DRC11: variants seen among roughly 807,000 people sequenced by gnomAD.
DRC11 encodes the protein IQ and AAA domain-containing protein 1.
the DRC11 span, among the ~76,000 whole-genome samples, chr2:236,404,444 C>T: frequency 0.019 from 2,880 of 152,262 alleles, 88 homozygotes; most frequent in African/African-American, 0.065. Flanking sequence ...CCAGATGAAG[C>T]CTTCCTGACT....
the DRC11 span, among the ~76,000 whole-genome samples, chr2:236,446,581 C>T: frequency 2.6e-5 from 4 of 152,218 alleles, no homozygotes; most frequent in African/African-American, 9.6e-5. The surrounding 1 kb of genome is among the most constrained non-coding windows in gnomAD (Gnocchi z 6.2). Context: ...GGGTCTCAGG[C>T]CCCTGGAGAG....
chr2:236,328,756 A>G, the DRC11 span, among the ~76,000 whole-genome samples: 2 of 152,220 alleles, frequency 1.3e-5, no homozygotes, highest in African/African-American at 4.8e-5. This position sits in a 1 kb window ranked among gnomAD's most constrained non-coding sequence, Gnocchi z 6.7. Context: ...CGTACAGAAT[A>G]TAGTTAATGA....
At chr2:236,496,249 T>C in the DRC11 span, among the ~76,000 whole-genome samples, 1 of 152,214 alleles carries the variant, frequency 6.6e-6, no homozygotes, top group Admixed American at 6.5e-5. The surrounding 1 kb of genome is among the most constrained non-coding windows in gnomAD (Gnocchi z 6.3). Context: ...TCATTTCAGT[T>C]ATTCTCATTA....
the DRC11 span, chr2:236,344,779 A>C: frequency 1.6e-6 from 1 of 629,648 alleles, no homozygotes; most frequent in Non-Finnish European, 2.7e-6. Context: ...GGGTGTGCAG[A>C]GCCCTGGCTG....
At chr2:236,446,558 C>A in the DRC11 span, among the ~76,000 whole-genome samples, 1 of 152,240 alleles carries the variant, frequency 6.6e-6, no homozygotes, top group Non-Finnish European at 1.5e-5. This position sits in a 1 kb window ranked among gnomAD's most constrained non-coding sequence, Gnocchi z 6.2. Context: ...CTTACCCTGT[C>A]TTTGTTTTCT....
chr2:236,484,000 C>T, the DRC11 span, among the ~76,000 whole-genome samples: 1 of 152,154 alleles, frequency 6.6e-6, no homozygotes, highest in Non-Finnish European at 1.5e-5. This position sits in a 1 kb window ranked among gnomAD's most constrained non-coding sequence, Gnocchi z 4.8. Context: ...GTGGTGACCA[C>T]TTTATTTATT....
chr2:236,340,220 T>C, the DRC11 span, among the ~76,000 whole-genome samples: 1 of 152,216 alleles, frequency 6.6e-6, no homozygotes, highest in Admixed American at 6.5e-5. Context: ...AATCACCACC[T>C]CCTGGGTTCA....
the DRC11 span, among the ~76,000 whole-genome samples, chr2:236,326,841 T>TGTGTGTGTG: frequency 7.5e-6 from 1 of 133,888 alleles, no homozygotes; most frequent in Non-Finnish European, 1.6e-5. Flanking sequence ...TGTGTGTGTG[T>TGTGTGTGTG]TTGAGATGGA....
the DRC11 span, among the ~76,000 whole-genome samples, chr2:236,384,066 G>C: frequency 2.0e-4 from 31 of 152,088 alleles, no homozygotes; most frequent in African/African-American, 7.2e-4. Flanking sequence ...ATCTATCATT[G>C]TTGGACATTT....
chr2:236,372,535 G>A, the DRC11 span, among the ~76,000 whole-genome samples: 568 of 152,224 alleles, frequency 3.7e-3, 3 homozygotes, highest in African/African-American at 0.013. The surrounding 1 kb of genome is among the most constrained non-coding windows in gnomAD (Gnocchi z 4.5). Context: ...ATGATCATTA[G>A]CAGCGAGCTG....
chr2:236,408,151 T>C, the DRC11 span: 13 of 693,668 alleles, frequency 1.9e-5, no homozygotes, highest in East Asian at 2.9e-4. The surrounding 1 kb of genome is among the most constrained non-coding windows in gnomAD (Gnocchi z 5.5). Context: ...AGGAAGGTCA[T>C]GGTCAGTGGA....
the DRC11 span, among the ~76,000 whole-genome samples, chr2:236,383,121 C>T: frequency 1.3e-5 from 2 of 152,020 alleles, no homozygotes; most frequent in Non-Finnish European, 2.9e-5. Context: ...ACTGATCTAA[C>T]GTCTTTATTT....
At chr2:236,341,692 C>T in the DRC11 span, among the ~76,000 whole-genome samples, 1 of 152,254 alleles carries the variant, frequency 6.6e-6, no homozygotes, top group East Asian at 1.9e-4. Context: ...GAGGGCTGAC[C>T]CAATGGGCAG....
the DRC11 span, among the ~76,000 whole-genome samples, chr2:236,367,247 G>A: frequency 1.4e-5 from 2 of 147,792 alleles, no homozygotes; most frequent in Non-Finnish European, 3.0e-5. This position sits in a 1 kb window ranked among gnomAD's most constrained non-coding sequence, Gnocchi z 4.8. Flanking sequence ...CCTCAAATAT[G>A]ATATATTTGT....
At chr2:236,455,662 C>T in the DRC11 span, among the ~76,000 whole-genome samples, 1 of 152,212 alleles carries the variant, frequency 6.6e-6, no homozygotes, top group Non-Finnish European at 1.5e-5. The surrounding 1 kb of genome is among the most constrained non-coding windows in gnomAD (Gnocchi z 5.7). Context: ...ATCTGGAGGT[C>T]TCCCCAGGTC....
At chr2:236,464,314 G>A in the DRC11 span, among the ~76,000 whole-genome samples, 3 of 152,284 alleles carry the variant, frequency 2.0e-5, no homozygotes, top group Non-Finnish European at 2.9e-5. Flanking sequence ...CACAGTTGGC[G>A]TCAGAGCATC....
chr2:236,462,860 G>A, the DRC11 span, among the ~76,000 whole-genome samples: 1 of 152,182 alleles, frequency 6.6e-6, no homozygotes, highest in Non-Finnish European at 1.5e-5. This position sits in a 1 kb window ranked among gnomAD's most constrained non-coding sequence, Gnocchi z 6.4. Context: ...ATGAGAGACA[G>A]TTAACATGAA....
At chr2:236,474,895 A>T in the DRC11 span, among the ~76,000 whole-genome samples, 1 of 152,186 alleles carries the variant, frequency 6.6e-6, no homozygotes, top group African/African-American at 2.4e-5. Context: ...ATATTTGGAT[A>T]TATTTATGTA....
At chr2:236,438,591 C>T in the DRC11 span, among the ~76,000 whole-genome samples, 5 of 151,954 alleles carry the variant, frequency 3.3e-5, no homozygotes, top group African/African-American at 9.7e-5. Context: ...AATGTTCTTC[C>T]ATTTGTTTGT....
Sources: gnomAD v4.1 joint callset for allele counts (sites outside exome capture counted in the v4.1 genomes callset) on GRCh38, gnomAD v4.1.1 for gene constraint, Gnocchi (gnomAD v3.1) non-coding constraint, MANE v1.5 for transcripts, NCBI Gene and HGNC (gene_info 2026-07-23, HGNC 2026-07-21) for gene names.